Variants in ARHGAP42 observed in about 807,000 individuals in gnomAD.
The protein encoded by ARHGAP42 is Rho GTPase activating protein 42, also known as rho GTPase-activating protein 42.
ARHGAP42 carries 63 observed loss-of-function variants against 125.0 expected under a neutral mutation model. The observed-to-expected ratio is 0.50, with a 90% CI of 0.41 to 0.62. ARHGAP42 has a LOEUF of 0.62. ARHGAP42 is among the 20% of genes least tolerant of loss of function. The probability of loss-of-function intolerance (pLI) is 0.00; values close to 1 mark genes in which losing one functional copy is unlikely to be tolerated. For synonymous variants in ARHGAP42, 339 were observed against 351.0 expected, an observed-to-expected ratio of 0.97 and a Z score of 0.38; for missense variants, 766 against 1,024.2, an observed-to-expected ratio of 0.75 and a Z score of 3.44.
chr11:100,823,622 G>C (rs536550385), intron 3 of ARHGAP42, among the ~76,000 whole-genome samples: 1 of 152,118 alleles, frequency 6.6e-6, no homozygotes, highest in Non-Finnish European at 1.5e-5. Flanking sequence ...AGTATTACTA[G>C]AGGGAATATT....
In ARHGAP42 at chr11:100,992,457, C is replaced by G. The variant is rs573469870; in HGVS notation, c.*3656C>G. The G allele has an allele frequency of 1.9e-6, 3 of 1,614,076 alleles. No homozygotes were observed. The East Asian group carries it at 6.7e-5, about 36-fold the overall frequency. On this transcript the variant is annotated 3_prime_UTR_variant, in exon 24 of 24. Coordinates refer to ENST00000298815, the MANE Select transcript of ARHGAP42 (RefSeq NM_152432.4). ...TACACATTGCTATTTAACTTTGCCTCCTACCCTTTTTTGTTACCTTCCAAA... is the reference window on the plus strand; with the variant it reads ...TACACATTGCTATTTAACTTTGCCTGCTACCCTTTTTTGTTACCTTCCAAA...
intron 16 of ARHGAP42, among the ~76,000 whole-genome samples, chr11:100,963,174 A>G (rs1428668508): frequency 6.6e-6 from 1 of 152,198 alleles, no homozygotes; most frequent in Admixed American, 6.5e-5. Flanking sequence ...TGAGTCAAAT[A>G]TTTTTGGCAG....
chr11:100,848,990 T>G lies in ARHGAP42; in HGVS notation c.313-10564T>G, dbSNP rs190313514. On this transcript the variant is annotated intron_variant, in intron 3 of 23. Coordinates refer to ENST00000298815, the MANE Select transcript of ARHGAP42 (RefSeq NM_152432.4). Reference sequence around the variant, plus strand: ...CAAGCTGTCTGGAAGAAAAGTAGTTTTTAAGCTTCATTTTCTGGAGAAGAA... The same window carrying G: ...CAAGCTGTCTGGAAGAAAAGTAGTTGTTAAGCTTCATTTTCTGGAGAAGAA... Among the ~76,000 whole-genome samples the G allele has an allele frequency of 7.9e-5, 12 of 152,322 alleles. No homozygotes were observed. In the East Asian group the frequency reaches 2.3e-3, roughly 29 times the overall value.
intron 4 of ARHGAP42, among the ~76,000 whole-genome samples, chr11:100,905,541 A>G (rs79246540): frequency 0.052 from 7,956 of 152,260 alleles, 378 homozygotes; most frequent in East Asian, 0.25. Flanking sequence ...CCACATAACA[A>G]TATAATTATG....
intron 8 of ARHGAP42, among the ~76,000 whole-genome samples, chr11:100,940,503 C>G (rs750375262): frequency 6.6e-6 from 1 of 152,140 alleles, no homozygotes; most frequent in African/African-American, 2.4e-5. Flanking sequence ...AAACATTGAA[C>G]TACCAATGCA....
chr11:100,965,582 A>G, intron 16 of ARHGAP42, 89 bp from the exon 17 acceptor site: 2 of 1,030,630 alleles, frequency 1.9e-6, no homozygotes, highest in Non-Finnish European at 3.0e-6. Context: ...GAGGGGTAGG[A>G]GTGGTAATTG....
intron 2 of ARHGAP42, among the ~76,000 whole-genome samples, chr11:100,772,123 A>C (rs1026716390): frequency 2.6e-5 from 4 of 152,178 alleles, no homozygotes; most frequent in South Asian, 2.1e-4. Context: ...ATGTTTTATT[A>C]GCTTTGACTC....
chr11:100,843,294 T>TA (rs1325340025), intron 3 of ARHGAP42, among the ~76,000 whole-genome samples: 2 of 151,684 alleles, frequency 1.3e-5, no homozygotes, highest in East Asian at 3.9e-4. Flanking sequence ...AACAGACCAA[T>TA]AACAAGGAGT....
At chr11:100,860,515 T>C (rs1865419844) in intron 4 of ARHGAP42, among the ~76,000 whole-genome samples, 1 of 152,106 alleles carries the variant, frequency 6.6e-6, no homozygotes, top group East Asian at 1.9e-4. Context: ...AATTTTGAAC[T>C]TTGCTACCCA....
chr11:100,819,501 T>G (rs1565227837), intron 3 of ARHGAP42, among the ~76,000 whole-genome samples: 1 of 152,126 alleles, frequency 6.6e-6, no homozygotes, highest in Admixed American at 6.5e-5. Flanking sequence ...AGTAGGAAAT[T>G]TGCTGAGTTT....
rs77436129 is a variant in ARHGAP42, at chr11:100,767,338, A to G, written c.155-3005A>G. 4.6e-5 allele frequency among the ~76,000 whole-genome samples: 7 copies of G among 152,342 alleles called. No individual in the cohort carries two copies. The East Asian group carries it at 1.2e-3, about 25-fold the overall frequency. On this transcript the variant is annotated intron_variant, in intron 1 of 23. Coordinates refer to ENST00000298815, the MANE Select transcript of ARHGAP42 (RefSeq NM_152432.4). ...GAGGCTATGAAACTTACCCACAGTC[A>G]TGACACTTAATTATTGGTAGAAGCA...
At chr11:100,745,958 C>T (rs1471707133) in intron 1 of ARHGAP42, among the ~76,000 whole-genome samples, 1 of 152,128 alleles carries the variant, frequency 6.6e-6, no homozygotes, top group Non-Finnish European at 1.5e-5. Context: ...CTAATTGTGT[C>T]TAAGTAGATG....
chr11:100,863,808 G>A (rs1452575764), intron 4 of ARHGAP42, among the ~76,000 whole-genome samples: 1 of 152,204 alleles, frequency 6.6e-6, no homozygotes, highest in Non-Finnish European at 1.5e-5. Context: ...TAGACTGAAT[G>A]TTTGGTTTCT....
In ARHGAP42 at chr11:100,913,559, CT is replaced by C. The variant is rs1348983345; in HGVS notation, c.486+10del. On this transcript the variant is annotated splice_region_variant and intron_variant, in intron 5 of 23. Coordinates refer to ENST00000298815, the MANE Select transcript of ARHGAP42 (RefSeq NM_152432.4). Reference sequence around the variant, plus strand: ...AGGAGTCTCATTTACAAGAGGTAAGCTTTTCCAACTGAAATAATGGAAAAGG... The same window carrying C: ...AGGAGTCTCATTTACAAGAGGTAAGCTTTCCAACTGAAATAATGGAAAAGG... 7.9e-7 allele frequency: 1 copy of C among 1,265,106 alleles called. No homozygotes were observed. The highest frequency in any genetic ancestry group is 5.7e-5 in the East Asian group (1 of 17,410). 78.4% of individuals were successfully genotyped at this position (1,265,106 alleles called of 1,614,324 possible). A position where few individuals can be genotyped will look rare whatever the true frequency, so the allele number is the denominator to read the frequency against.
intron 1 of ARHGAP42, among the ~76,000 whole-genome samples, chr11:100,738,236 A>G (rs1050924293): frequency 6.6e-6 from 1 of 152,218 alleles, no homozygotes; most frequent in Non-Finnish European, 1.5e-5. Flanking sequence ...AATTATTTAC[A>G]TATGTTTTCT....
chr11:100,979,328 A>T (rs1330827878), intron 22 of ARHGAP42, among the ~76,000 whole-genome samples: 1 of 152,206 alleles, frequency 6.6e-6, no homozygotes, highest in Non-Finnish European at 1.5e-5. Context: ...TACATCTTTG[A>T]TGACAGTCAT....
chr11:100,887,996 A>G (rs766437138), intron 4 of ARHGAP42, among the ~76,000 whole-genome samples: 6 of 152,202 alleles, frequency 3.9e-5, no homozygotes, highest in Non-Finnish European at 8.8e-5. Context: ...TCTGGCAGCA[A>G]GGAGGTTTCT....
At chr11:100,742,763 A>G (rs1285977205) in intron 1 of ARHGAP42, among the ~76,000 whole-genome samples, 1 of 152,190 alleles carries the variant, frequency 6.6e-6, no homozygotes, top group Non-Finnish European at 1.5e-5. Context: ...TGTTAGGTGC[A>G]TATAAATTGG....
At chr11:100,763,660 T>C (rs1862762133) in intron 1 of ARHGAP42, among the ~76,000 whole-genome samples, 1 of 152,018 alleles carries the variant, frequency 6.6e-6, no homozygotes, top group Non-Finnish European at 1.5e-5. Flanking sequence ...CAGCTAATTT[T>C]TGTATTTTCA....
Sources: gnomAD v4.1 joint callset for allele counts (sites outside exome capture counted in the v4.1 genomes callset) on GRCh38, gnomAD v4.1.1 for gene constraint, MANE v1.5 for transcripts, NCBI Gene and HGNC (gene_info 2026-07-23, HGNC 2026-07-21) for gene names.